GRID2: variants seen among roughly 807,000 people sequenced by gnomAD.
GRID2 encodes glutamate ionotropic receptor delta type subunit 2.
Under a neutral mutation model 114.8 loss-of-function variants are expected in GRID2, and 33 were observed. The ratio of observed to expected loss-of-function variants is 0.29; its 90% CI spans 0.22 to 0.38. The LOEUF (loss-of-function observed/expected upper bound fraction) is 0.38, where lower values mean the gene tolerates loss of function less well. Among genes scored for constraint, GRID2 ranks in the 10% least tolerant of loss-of-function variants. The pLI is 1.00. For synonymous variants in GRID2, 505 were observed against 449.9 expected (o/e 1.12, Z -1.55); for missense variants, 1,184 against 1,257.7 (o/e 0.94, Z 0.89).
intron 11 of GRID2, among the ~76,000 whole-genome samples, chr4:93,466,734 C>T (rs960220246): frequency 6.6e-6 from 1 of 152,092 alleles, no homozygotes; most frequent in Non-Finnish European, 1.5e-5. Flanking sequence ...TGAGCCCTGC[C>T]TCTGGAATTG....
At chr4:93,159,609 T>G (rs1322236889) in intron 4 of GRID2, among the ~76,000 whole-genome samples, 1 of 151,642 alleles carries the variant, frequency 6.6e-6, no homozygotes, top group African/African-American at 2.4e-5. Context: ...ACTGTAACAC[T>G]TAGAGAGGAT....
In GRID2 at chr4:92,931,557, C is replaced by T. The variant is rs549663658; in HGVS notation, c.245-153438C>T. On this transcript the variant is annotated intron_variant, in intron 2 of 15. Coordinates refer to ENST00000282020, the MANE Select transcript of GRID2 (RefSeq NM_001510.4). ...TAGAATGATAATCATTTGCAGATTA[C>T]GTAAGTGTGTTTTTAAAATCACTAA... 1.7e-3 allele frequency among the ~76,000 whole-genome samples: 258 copies of T among 150,428 alleles called. 1 individual carries two copies. Among genetic ancestry groups the T allele is most frequent in the African/African-American group, 4.2e-3 (174 of 41,214 alleles).
intron 8 of GRID2, among the ~76,000 whole-genome samples, chr4:93,384,572 G>T (rs1764146334): frequency 6.6e-6 from 1 of 152,086 alleles, no homozygotes; most frequent in South Asian, 2.1e-4. Flanking sequence ...ACTCTTGGAG[G>T]TTAAAGATGA....
chr4:93,586,053 A>G (rs1407535494), intron 13 of GRID2, among the ~76,000 whole-genome samples: 1 of 152,136 alleles, frequency 6.6e-6, no homozygotes, highest in Non-Finnish European at 1.5e-5. Context: ...TGGCTCCAGC[A>G]GAGATTCTAC....
At chr4:92,481,866 A>G (rs907801647) in intron 1 of GRID2, among the ~76,000 whole-genome samples, 1 of 150,854 alleles carries the variant, frequency 6.6e-6, no homozygotes, top group Non-Finnish European at 1.5e-5. Context: ...ATTTGTGTCA[A>G]TCATTATGCT....
At chr4:92,988,285 G>A (rs1340940611) in intron 2 of GRID2, among the ~76,000 whole-genome samples, 1 of 152,076 alleles carries the variant, frequency 6.6e-6, no homozygotes, top group Non-Finnish European at 1.5e-5. Flanking sequence ...TGGTAGGCAG[G>A]GTTTTGCTCT....
At chr4:92,328,539 C>T (rs1304827234) in intron 1 of GRID2, among the ~76,000 whole-genome samples, 1 of 152,056 alleles carries the variant, frequency 6.6e-6, no homozygotes, top group East Asian at 1.9e-4. Flanking sequence ...ACACTGGTAT[C>T]TCTTTCACTA....
chr4:92,528,667 C>A (rs1436324371), intron 1 of GRID2, among the ~76,000 whole-genome samples: 1 of 151,844 alleles, frequency 6.6e-6, no homozygotes, highest in African/African-American at 2.4e-5. Context: ...AGCATACATA[C>A]ATGCGGGGAA....
chr4:93,595,135 C>G (rs1039668422), intron 13 of GRID2, among the ~76,000 whole-genome samples: 7 of 152,188 alleles, frequency 4.6e-5, no homozygotes, highest in African/African-American at 1.7e-4. Context: ...ATGGTGACCT[C>G]CAGGCCTCTA....
At chr4:92,886,728 C>G (rs547305856) in intron 2 of GRID2, among the ~76,000 whole-genome samples, 2 of 152,204 alleles carry the variant, frequency 1.3e-5, no homozygotes, top group South Asian at 4.1e-4. Context: ...CAGGTTCATG[C>G]CATTCTCCTG....
intron 14 of GRID2, among the ~76,000 whole-genome samples, chr4:93,726,208 G>A (rs1216979079): frequency 1.3e-5 from 2 of 152,182 alleles, no homozygotes; most frequent in Non-Finnish European, 2.9e-5. Flanking sequence ...CATATGGCTA[G>A]CCAGTTTTCC....
intron 2 of GRID2, among the ~76,000 whole-genome samples, chr4:92,941,641 G>A (rs1751141574): frequency 1.3e-5 from 2 of 152,050 alleles, no homozygotes; most frequent in South Asian, 4.1e-4. Flanking sequence ...TGCTTCTCCA[G>A]TTCTTTTAAT....
intron 2 of GRID2, among the ~76,000 whole-genome samples, chr4:92,910,433 T>C (rs1219449395): frequency 6.6e-6 from 1 of 152,098 alleles, no homozygotes; most frequent in Admixed American, 6.6e-5. Flanking sequence ...GAGCCAATAG[T>C]GGTAATTAAG....
At position 92,934,595 on chromosome 4, in the gene GRID2, A is replaced by T. The variant is rs1444183849; in HGVS notation, c.245-150400A>T. 4.8e-5 allele frequency among the ~76,000 whole-genome samples: 7 copies of T among 146,580 alleles called. 1 individual carries two copies. Among genetic ancestry groups the T allele is most frequent in the Non-Finnish European group, 1.1e-4 (7 of 66,234 alleles). ...GCATCGCCAAGTCAATCCTAAGCCA[A>T]AAGAACAAAGCTGGAGGCATCATGC... On this transcript the variant is annotated intron_variant, in intron 2 of 15. Coordinates refer to ENST00000282020, the MANE Select transcript of GRID2 (RefSeq NM_001510.4).
chr4:92,846,148 G>A (rs944287313), intron 2 of GRID2, among the ~76,000 whole-genome samples: 3 of 151,948 alleles, frequency 2.0e-5, no homozygotes, highest in South Asian at 2.1e-4. Context: ...TCTAGCTTTC[G>A]TCTTCATTTC....
At chr4:92,938,262 A>G (rs536945431) in intron 2 of GRID2, among the ~76,000 whole-genome samples, 11 of 146,570 alleles carry the variant, frequency 7.5e-5, no homozygotes, top group African/African-American at 2.7e-4. Flanking sequence ...TTTGTGATAA[A>G]TTATCAGTTC....
intron 14 of GRID2, among the ~76,000 whole-genome samples, chr4:93,707,354 CTT>C (rs1270377586): frequency 1.3e-5 from 2 of 152,058 alleles, no homozygotes; most frequent in South Asian, 2.1e-4. Flanking sequence ...TGCTGGAAGA[CTT>C]TATTACAGCT....
chr4:92,929,006 A>G (rs1750032464), intron 2 of GRID2, among the ~76,000 whole-genome samples: 1 of 151,490 alleles, frequency 6.6e-6, no homozygotes, highest in Admixed American at 6.6e-5. Flanking sequence ...TAGGCATTGA[A>G]TTCAACATAT....
intron 13 of GRID2, among the ~76,000 whole-genome samples, chr4:93,572,102 A>C (rs751326099): frequency 6.6e-6 from 1 of 152,136 alleles, no homozygotes; most frequent in Non-Finnish European, 1.5e-5. Context: ...AAGATCATCT[A>C]ACTTGGCCTA....
Sources: gnomAD v4.1 joint callset for allele counts (sites outside exome capture counted in the v4.1 genomes callset) on GRCh38, gnomAD v4.1.1 for gene constraint, MANE v1.5 for transcripts, NCBI Gene and HGNC (gene_info 2026-07-23, HGNC 2026-07-21) for gene names.